The following GPHN variants were observed in gnomAD, a reference collection of about 807,000 sequenced individuals.
GPHN encodes gephyrin.
Under a neutral mutation model 95.5 loss-of-function variants are expected in GPHN, and 17 were observed. The observed-to-expected ratio is 0.18, with a 90% confidence interval of 0.12 to 0.27. The LOEUF (loss-of-function observed/expected upper bound fraction) is 0.27, where lower values mean the gene tolerates loss of function less well. Among genes scored for constraint, GPHN ranks in the 10% least tolerant of loss-of-function variants. GPHN has a pLI of 1.00. For missense variants in GPHN, 660 were observed against 978.1 expected (o/e 0.67, Z 4.34); for synonymous variants, 320 against 322.5 (o/e 0.99, Z 0.08).
At chr14:67,072,231 A>G (rs7150739) in intron 11 of GPHN, among the ~76,000 whole-genome samples, 39,272 of 152,014 alleles carry the variant, frequency 0.26, 10,350 homozygotes, top group African/African-American at 0.65. Flanking sequence ...TAATGGCATA[A>G]AAATACCTTA....
the GPHN span, among the ~76,000 whole-genome samples, chr14:67,556,750 C>T: frequency 2.0e-5 from 3 of 152,186 alleles, no homozygotes; most frequent in African/African-American, 7.2e-5. Flanking sequence ...TAAATATATA[C>T]ATACATACAT....
the GPHN span, among the ~76,000 whole-genome samples, chr14:67,348,624 C>T: frequency 1.3e-5 from 2 of 151,672 alleles, no homozygotes; most frequent in African/African-American, 4.8e-5. Flanking sequence ...CGGGTTCAAG[C>T]GATTCTCCTG....
chr14:67,353,373 G>A, the GPHN span, among the ~76,000 whole-genome samples: 5 of 152,154 alleles, frequency 3.3e-5, no homozygotes, highest in Admixed American at 3.3e-4. Flanking sequence ...TTTTAAATGT[G>A]AGTTCATCTG....
chr14:67,243,751 C>T, the GPHN span, among the ~76,000 whole-genome samples: 1 of 152,106 alleles, frequency 6.6e-6, no homozygotes, highest in Non-Finnish European at 1.5e-5. Context: ...CCGCCTCGCC[C>T]TCCCAAAGTG....
chr14:67,708,682 G>A, the GPHN span, among the ~76,000 whole-genome samples: 1 of 151,744 alleles, frequency 6.6e-6, no homozygotes, highest in Non-Finnish European at 1.5e-5. Context: ...TACAAATACA[G>A]CCCAAAGAAA....
chr14:66,763,801 CA>C (rs1340387684), intron 2 of GPHN, among the ~76,000 whole-genome samples: 4 of 152,078 alleles, frequency 2.6e-5, no homozygotes, highest in African/African-American at 9.7e-5. Flanking sequence ...CAGACGTGAG[CA>C]AAACTTCATC....
intron 1 of GPHN, among the ~76,000 whole-genome samples, chr14:66,619,220 T>C (rs899713843): frequency 3.3e-5 from 5 of 152,210 alleles, no homozygotes; most frequent in Admixed American, 3.3e-4. Flanking sequence ...ACATTTACTT[T>C]TTTATTCATT....
the GPHN span, among the ~76,000 whole-genome samples, chr14:67,611,905 C>T: frequency 5.3e-5 from 8 of 152,020 alleles, no homozygotes; most frequent in Non-Finnish European, 8.8e-5. Context: ...CAGTGGGAGC[C>T]CTAAGCTTGT....
chr14:67,080,158 G>C (rs1052785741), intron 11 of GPHN, among the ~76,000 whole-genome samples: 2 of 151,938 alleles, frequency 1.3e-5, no homozygotes. Context: ...TCATTTTTCT[G>C]ACAATTACTG....
At chr14:67,432,608 G>T in the GPHN span, among the ~76,000 whole-genome samples, 1 of 152,228 alleles carries the variant, frequency 6.6e-6, no homozygotes, top group Non-Finnish European at 1.5e-5. Flanking sequence ...GAAGAGCCTG[G>T]TGTTCTAGGG....
At chr14:67,184,206 AAAAGTTATT>A (rs746120055), downstream of GPHN, among the ~76,000 whole-genome samples, 17 of 152,368 alleles carry the variant, frequency 1.1e-4, no homozygotes, top group South Asian at 4.1e-4. Context: ...TTTAAGGCCC[AAAAGTTATT>A]AAAGTTATTA....
chr14:66,953,399 C>G (rs1402604571), intron 8 of GPHN, among the ~76,000 whole-genome samples: 2 of 151,942 alleles, frequency 1.3e-5, no homozygotes, highest in East Asian at 1.9e-4. Context: ...AATCCATCAC[C>G]AAAGTCGTGA....
At chr14:66,578,973 T>A (rs181670569) in intron 1 of GPHN, among the ~76,000 whole-genome samples, 155 of 151,966 alleles carry the variant, frequency 1.0e-3, no homozygotes, top group African/African-American at 3.6e-3. Flanking sequence ...ATTATATCTT[T>A]AGTAAGAAGG....
intron 1 of GPHN, among the ~76,000 whole-genome samples, chr14:66,633,239 C>T (rs745790510): frequency 6.8e-6 from 1 of 147,248 alleles, no homozygotes; most frequent in East Asian, 2.0e-4. Context: ...TGAATTCATT[C>T]TGTTATTCTA....
At chr14:66,562,534 A>T (rs2060302494) in intron 1 of GPHN, among the ~76,000 whole-genome samples, 1 of 152,176 alleles carries the variant, frequency 6.6e-6, no homozygotes, top group African/African-American at 2.4e-5. Context: ...TGGATTGCTT[A>T]TACACAGGAG....
At chr14:67,575,842 C>G in the GPHN span, 1 of 1,613,764 alleles carries the variant, frequency 6.2e-7, no homozygotes, top group Non-Finnish European at 8.5e-7. Context: ...GGCTGCCTGC[C>G]TGTGCGGGAT....
chr14:66,708,389 GAC>G (rs2069293445), intron 2 of GPHN, among the ~76,000 whole-genome samples: 1 of 152,090 alleles, frequency 6.6e-6, no homozygotes, highest in African/African-American at 2.4e-5. Context: ...AATATTTGGA[GAC>G]AGTTATGTAT....
At chr14:67,708,492 G>A in the GPHN span, among the ~76,000 whole-genome samples, 1 of 152,112 alleles carries the variant, frequency 6.6e-6, no homozygotes, top group African/African-American at 2.4e-5. Flanking sequence ...ACAATTGTCT[G>A]TGGATGATGA....
chr14:66,773,063 C>T (rs762058167), intron 2 of GPHN, among the ~76,000 whole-genome samples: 1 of 152,072 alleles, frequency 6.6e-6, no homozygotes, highest in Non-Finnish European at 1.5e-5. Context: ...GCTCAGTAGC[C>T]TAGGTTTTCT....
Sources: gnomAD v4.1 joint callset for allele counts (sites outside exome capture counted in the v4.1 genomes callset) on GRCh38, gnomAD v4.1.1 for gene constraint, MANE v1.5 for transcripts, NCBI Gene and HGNC (gene_info 2026-07-23, HGNC 2026-07-21) for gene names.